SENP7: variants seen among roughly 807,000 people sequenced by gnomAD.
SENP7 encodes SUMO specific peptidase 7.
Under a neutral mutation model 141.2 loss-of-function variants are expected in SENP7, and 64 were observed. The ratio of observed to expected loss-of-function variants is 0.45; its 90% CI spans 0.37 to 0.56. The LOEUF (loss-of-function observed/expected upper bound fraction) is 0.56, where lower values mean the gene tolerates loss of function less well. SENP7 is among the 20% of genes least tolerant of loss of function. SENP7 has a pLI of 0.00. For synonymous variants in SENP7, 382 were observed against 426.4 expected (o/e 0.90, Z 1.28); for missense variants, 1,025 against 1,212.2 (o/e 0.85, Z 2.29).
intron 3 of SENP7, among the ~76,000 whole-genome samples, chr3:101,468,504 G>A (rs2063848696): frequency 6.6e-6 from 1 of 152,184 alleles, no homozygotes; most frequent in African/African-American, 2.4e-5. Flanking sequence ...ACTAATGGTG[G>A]ATCTCTCGGA....
At position 101,429,521 on chromosome 3, in the gene SENP7, AT is replaced by A. The variant is rs539475227; in HGVS notation, c.285-11732del. 7.6e-3 allele frequency among the ~76,000 whole-genome samples: 1,163 copies of A among 152,192 alleles called. 8 individuals carry two copies. Among genetic ancestry groups the A allele is most frequent in the Non-Finnish European group, 0.013 (872 of 68,002 alleles). ...TTATTGGTGTATAGGAATGCTTGTG[AT>A]TTTTGCACATTGATTTTGTATCCCG... On this transcript the variant is annotated intron_variant, in intron 4 of 23. Transcript: ENST00000394095.
At chr3:101,372,348 T>C (rs34334124) in intron 6 of SENP7, among the ~76,000 whole-genome samples, 1 of 151,930 alleles carries the variant, frequency 6.6e-6, no homozygotes, top group African/African-American at 2.4e-5. Flanking sequence ...GGAAAAAAAA[T>C]GAGATATCAA....
intron 17 of SENP7, among the ~76,000 whole-genome samples, chr3:101,335,003 G>A (rs773304519): frequency 3.3e-5 from 5 of 152,158 alleles, no homozygotes; most frequent in Non-Finnish European, 5.9e-5. Flanking sequence ...AGGTACTGAG[G>A]ATAGAGTGGA....
chr3:101,483,814 G>C (rs537008042), intron 3 of SENP7, among the ~76,000 whole-genome samples: 1 of 152,234 alleles, frequency 6.6e-6, no homozygotes, highest in Admixed American at 6.5e-5. Context: ...TTGAAGTCAG[G>C]AGTTTGAGAC....
intron 4 of SENP7, among the ~76,000 whole-genome samples, chr3:101,419,357 A>C (rs1173122205): frequency 6.6e-6 from 1 of 152,214 alleles, no homozygotes; most frequent in Non-Finnish European, 1.5e-5. Flanking sequence ...CACTAGTCTT[A>C]ATTAGGAAAC....
chr3:101,327,830 C>A lies in SENP7; in HGVS notation c.2865-14G>T, dbSNP rs762311324. ...ACCTCTAAATACCTGAAATAATCAA[C>A]AAATAAGAGTGACTAAAGTAGAAAT... On this transcript the variant is annotated splice_polypyrimidine_tract_variant and intron_variant, in intron 22 of 23. Coordinates refer to ENST00000394095, the MANE Select transcript of SENP7 (RefSeq NM_020654.5). The A allele has an allele frequency of 1.3e-6, 2 of 1,559,826 alleles. No homozygotes were observed.
intron 4 of SENP7, among the ~76,000 whole-genome samples, chr3:101,436,458 A>T (rs2062391771): frequency 6.6e-6 from 1 of 152,212 alleles, no homozygotes; most frequent in Admixed American, 6.5e-5. Context: ...TGTACATGAA[A>T]GGATACAATC....
chr3:101,505,603 G>A lies in SENP7; in HGVS notation c.41-4484C>T, dbSNP rs543731942. Among the ~76,000 whole-genome samples, 16 of 152,140 alleles carry A rather than the reference G, an allele frequency of 1.1e-4. No homozygotes were observed. In the East Asian group the frequency reaches 2.7e-3, roughly 26 times the overall value. On this transcript the variant is annotated intron_variant, in intron 1 of 23. Coordinates refer to ENST00000394095, the MANE Select transcript of SENP7 (RefSeq NM_020654.5). ...CTCCATCTTATACCAGGTTAGCTCT[G>A]GAGTGTTTAAATAAGCATATGATGT...
At chr3:101,506,432 T>G (rs754387069) in intron 1 of SENP7, among the ~76,000 whole-genome samples, 1 of 152,250 alleles carries the variant, frequency 6.6e-6, no homozygotes, top group Non-Finnish European at 1.5e-5. Flanking sequence ...AATCTCCATC[T>G]TATAGATTAA....
In SENP7 at chr3:101,340,342, CA is replaced by C. The variant is rs573636406; in HGVS notation, c.2241-132del. 241 of 1,111,524 alleles carry C rather than the reference CA, an allele frequency of 2.2e-4. 2 individuals carry two copies. The African/African-American group carries it at 3.4e-3, about 16-fold the overall frequency. 68.9% of individuals were successfully genotyped at this position (1,111,524 alleles called of 1,614,324 possible). A position where few individuals can be genotyped will look rare whatever the true frequency, so the allele number is the denominator to read the frequency against. ...ATCTGTAGGGTAAAAAACATTTGAC[CA>C]GGCATAAATAATGATATTTTCCTTC... On this transcript the variant is annotated intron_variant, in intron 15 of 23. Transcript: ENST00000394095.
At chr3:101,481,064 T>G (rs1326022668) in intron 3 of SENP7, among the ~76,000 whole-genome samples, 2 of 146,188 alleles carry the variant, frequency 1.4e-5, no homozygotes, top group Admixed American at 6.8e-5. Flanking sequence ...AAAAACAGTA[T>G]GGAGATTTCC....
intron 9 of SENP7, 103 bp from the exon 10 acceptor site, chr3:101,365,094 C>G (rs984654611): frequency 1.2e-5 from 8 of 681,282 alleles, no homozygotes; most frequent in Admixed American, 4.2e-5. Flanking sequence ...CCTCCACCTC[C>G]CGGGCTCAGG....
intron 6 of SENP7, among the ~76,000 whole-genome samples, chr3:101,394,803 C>T (rs1402700609): frequency 1.3e-5 from 2 of 152,082 alleles, no homozygotes; most frequent in Non-Finnish European, 2.9e-5. Context: ...ACATCCTTGC[C>T]AACATCTGCT....
intron 1 of SENP7, among the ~76,000 whole-genome samples, chr3:101,506,944 C>G (rs2065642513): frequency 6.6e-6 from 1 of 151,958 alleles, no homozygotes; most frequent in East Asian, 1.9e-4. Flanking sequence ...GCCTGTAGTC[C>G]TAGCTACTCC....
intron 10 of SENP7, among the ~76,000 whole-genome samples, chr3:101,362,977 C>A (rs1419435849): frequency 6.6e-6 from 1 of 152,174 alleles, no homozygotes; most frequent in Non-Finnish European, 1.5e-5. Flanking sequence ...TGCACATTAT[C>A]CGTAACATCA....
chr3:101,365,446 G>C (rs1456224970), intron 9 of SENP7, among the ~76,000 whole-genome samples: 1 of 148,792 alleles, frequency 6.7e-6, no homozygotes, highest in African/African-American at 2.5e-5. Flanking sequence ...GATCAGCCAG[G>C]CCAACATGGT....
intron 5 of SENP7, among the ~76,000 whole-genome samples, chr3:101,407,406 G>A (rs2107614390): frequency 6.6e-6 from 1 of 152,144 alleles, no homozygotes; most frequent in South Asian, 2.1e-4. Flanking sequence ...AAGAAACAGT[G>A]GATTTAAACT....
chr3:101,332,397 T>C (rs1331772172), intron 18 of SENP7, among the ~76,000 whole-genome samples: 1 of 152,158 alleles, frequency 6.6e-6, no homozygotes, highest in African/African-American at 2.4e-5. Flanking sequence ...ACTCATAGCA[T>C]TATTTTTTTT....
intron 3 of SENP7, among the ~76,000 whole-genome samples, chr3:101,469,130 T>C (rs976735460): frequency 3.9e-5 from 6 of 152,018 alleles, no homozygotes; most frequent in African/African-American, 1.5e-4. Flanking sequence ...CATTACATAA[T>C]GGTAAAGGGA....
Sources: allele counts gnomAD v4.1 joint callset (sites outside exome capture counted in the v4.1 genomes callset), GRCh38; gene constraint gnomAD v4.1.1; transcripts MANE v1.5; gene names NCBI Gene and HGNC (gene_info 2026-07-23, HGNC 2026-07-21).